Variants in TUSC3 observed in about 807,000 individuals in gnomAD.
TUSC3 encodes the protein tumor suppressor candidate 3.
A neutral mutation model predicts 44.8 loss-of-function variants in TUSC3; 45 were observed. The ratio of observed to expected loss-of-function variants is 1.00; its 90% confidence interval spans 0.79 to 1.29. TUSC3 has a LOEUF of 1.29. Among genes scored for constraint, TUSC3 ranks in the 50% most tolerant of loss-of-function variants. The probability of loss-of-function intolerance (pLI) is 0.00; values close to 1 mark genes in which losing one functional copy is unlikely to be tolerated. For synonymous variants in TUSC3, 212 were observed against 152.9 expected (o/e 1.39, Z -2.85); for missense variants, 519 against 437.9 (o/e 1.19, Z -1.65).
At chr8:15,455,311 C>A (rs1563255208) in intron 1 of TUSC3, among the ~76,000 whole-genome samples, 1 of 152,070 alleles carries the variant, frequency 6.6e-6, no homozygotes, top group South Asian at 2.1e-4. Context: ...AAAGCCCTAA[C>A]ATGTAGATTG....
intron 2 of TUSC3, among the ~76,000 whole-genome samples, chr8:15,642,840 G>A (rs1806439743): frequency 6.6e-6 from 1 of 152,130 alleles, no homozygotes; most frequent in African/African-American, 2.4e-5. Context: ...TCTTGAGGCA[G>A]TGGCCTGTAT....
chr8:15,664,654 A>G (rs562731990), intron 5 of TUSC3, among the ~76,000 whole-genome samples: 2 of 149,666 alleles, frequency 1.3e-5, no homozygotes, highest in Admixed American at 1.3e-4. Flanking sequence ...CACTACACTG[A>G]TAATATAATG....
chr8:15,594,623 A>G (rs975361453), intron 1 of TUSC3, among the ~76,000 whole-genome samples: 1 of 152,050 alleles, frequency 6.6e-6, no homozygotes, highest in East Asian at 1.9e-4. Context: ...ATTATTCCCT[A>G]CTATTGCCAG....
At chr8:15,542,007 T>TC (rs11388664) in intron 1 of TUSC3, among the ~76,000 whole-genome samples, 1 of 151,660 alleles carries the variant, frequency 6.6e-6, no homozygotes, top group Non-Finnish European at 1.5e-5. Flanking sequence ...TCAATTTTTT[T>TC]TTTTTTGCCA....
At chr8:15,710,097 G>A (rs1037620572) in intron 6 of TUSC3, among the ~76,000 whole-genome samples, 2 of 151,612 alleles carry the variant, frequency 1.3e-5, no homozygotes, top group Non-Finnish European at 2.9e-5. Context: ...TCCCCTCCCT[G>A]CCCTTTTCGG....
At chr8:15,542,713 C>T (rs1801732630) in intron 1 of TUSC3, among the ~76,000 whole-genome samples, 1 of 151,970 alleles carries the variant, frequency 6.6e-6, no homozygotes, top group African/African-American at 2.4e-5. Context: ...AATTTTTTCT[C>T]GAAATATATT....
intron 1 of TUSC3, among the ~76,000 whole-genome samples, chr8:15,591,719 G>T (rs960282271): frequency 6.6e-6 from 1 of 152,188 alleles, no homozygotes; most frequent in Non-Finnish European, 1.5e-5. Context: ...CAAAAGTTCT[G>T]TGTAGGGGAG....
At chr8:15,530,905 G>T (rs986055593) in intron 2 of TUSC3, among the ~76,000 whole-genome samples, 2 of 152,164 alleles carry the variant, frequency 1.3e-5, no homozygotes, top group Non-Finnish European at 2.9e-5. Context: ...TTGTGTGTCT[G>T]TGTCCTTAAT....
At chr8:15,435,135 A>G (rs1270180481) in intron 1 of TUSC3, among the ~76,000 whole-genome samples, 1 of 149,580 alleles carries the variant, frequency 6.7e-6, no homozygotes, top group Non-Finnish European at 1.5e-5. Context: ...TGGTTGAACT[A>G]GTTTACAGTC....
chr8:15,546,288 A>G (rs1801861276), intron 1 of TUSC3, among the ~76,000 whole-genome samples: 1 of 151,702 alleles, frequency 6.6e-6, no homozygotes, highest in Admixed American at 6.6e-5. Flanking sequence ...TGTTTTATGG[A>G]AAACAAATTT....
intron 1 of TUSC3, among the ~76,000 whole-genome samples, chr8:15,556,467 T>C (rs1267387070): frequency 6.6e-6 from 1 of 151,558 alleles, no homozygotes; most frequent in East Asian, 2.0e-4. Context: ...TAAACATACG[T>C]GTGCATGTGT....
Position 15,429,037 on chromosome 8 carries a change from C to A in TUSC3, n.91+11732C>A, listed in dbSNP as rs148558577. On this transcript the variant is annotated intron_variant and non_coding_transcript_variant, in intron 1 of 5. Transcript: ENST00000503191. Reference sequence around the variant, plus strand: ...TGCTTTGGTGTTGTAGACATGAAGTCCTTGCCCATGCCTATGTCCTGAATG... The same window carrying A: ...TGCTTTGGTGTTGTAGACATGAAGTACTTGCCCATGCCTATGTCCTGAATG... Among the ~76,000 whole-genome samples, 35 of 152,246 alleles carry A rather than the reference C, an allele frequency of 2.3e-4. No homozygotes were observed. The East Asian group carries it at 6.0e-3, about 26-fold the overall frequency.
At chr8:15,846,627 C>T in the TUSC3 span, among the ~76,000 whole-genome samples, 3 of 152,078 alleles carry the variant, frequency 2.0e-5, no homozygotes, top group East Asian at 1.9e-4. Flanking sequence ...AAACACCACA[C>T]GTTCTCACTC....
intron 1 of TUSC3, among the ~76,000 whole-genome samples, chr8:15,438,140 GC>G (rs1372922515): frequency 6.6e-6 from 1 of 152,132 alleles, no homozygotes; most frequent in African/African-American, 2.4e-5. Flanking sequence ...CGTTACCCAG[GC>G]TGGAGTGCAA....
chr8:15,734,353 A>G (rs186439466), intron 7 of TUSC3, among the ~76,000 whole-genome samples: 6 of 152,214 alleles, frequency 3.9e-5, no homozygotes, highest in African/African-American at 1.4e-4. Context: ...ATATTTACTA[A>G]GAATAAAAAT....
At chr8:15,818,824 G>C in the TUSC3 span, among the ~76,000 whole-genome samples, 1 of 152,174 alleles carries the variant, frequency 6.6e-6, no homozygotes, top group Non-Finnish European at 1.5e-5. Flanking sequence ...TCATACATTA[G>C]TCATTCTGGT....
At chr8:15,547,040 A>C (rs936911781) in intron 1 of TUSC3, among the ~76,000 whole-genome samples, 1 of 151,766 alleles carries the variant, frequency 6.6e-6, no homozygotes, top group African/African-American at 2.4e-5. Flanking sequence ...AGTTAAAAAT[A>C]TAGTGAATTA....
chr8:15,769,163 C>T (rs923974300), downstream of TUSC3, among the ~76,000 whole-genome samples: 1 of 152,140 alleles, frequency 6.6e-6, no homozygotes, highest in African/African-American at 2.4e-5. Context: ...ATCACTCTAC[C>T]TGACTTCAAA....
intron 1 of TUSC3, among the ~76,000 whole-genome samples, chr8:15,467,236 C>G (rs1299818126): frequency 6.9e-6 from 1 of 145,400 alleles, no homozygotes; most frequent in Non-Finnish European, 1.5e-5. Context: ...GGTTCATTAT[C>G]TACTGTCATT....
Sources: gnomAD v4.1 joint callset for allele counts (sites outside exome capture counted in the v4.1 genomes callset) on GRCh38, gnomAD v4.1.1 for gene constraint, MANE v1.5 for transcripts, NCBI Gene and HGNC (gene_info 2026-07-23, HGNC 2026-07-21) for gene names.